Variants in LRRC9 observed in about 807,000 individuals in gnomAD.
LRRC9 encodes leucine-rich repeat-containing protein 9.
LRRC9 carries 122 observed loss-of-function variants against 63.2 expected under a neutral mutation model. That is an observed-to-expected ratio of 1.93 (90% CI 1.67 to 2.24). The LOEUF is 2.24. LRRC9 is among the 30% of genes most tolerant of loss of function. LRRC9 has a pLI of 0.00. For synonymous variants in LRRC9, 366 were observed against 213.1 expected (o/e 1.72, Z -6.25); for missense variants, 1,071 against 627.7 (o/e 1.71, Z -7.55).
chr14:60,038,373 CAAT>C (rs1460512401), intron 29 of LRRC9, among the ~76,000 whole-genome samples: 3 of 152,154 alleles, frequency 2.0e-5, no homozygotes, highest in Non-Finnish European at 2.9e-5. Flanking sequence ...GCCATTTTCA[CAAT>C]ATTGATTCTT....
At position 59,999,188 on chromosome 14, in the gene LRRC9, G is replaced by A. The variant is rs1889115918; in HGVS notation, c.2491G>A (p.Ala831Thr). ...CTTCATTTCTGAAGAAGAAGCAACA[G>A]CAGCTATGAAATTTATTGCAGGAAC... Residue 831 changes from alanine (A) to threonine (T), a missense_variant, in exon 19 of 32, where the codon GCA becomes ACA. Ala to Thr is a moderately conservative substitution (Grantham distance 58). Transcript: ENST00000445360. The A allele has an allele frequency of 4.3e-6, 3 of 701,388 alleles. No homozygotes were observed. In the East Asian group the frequency reaches 8.1e-5, roughly 19 times the overall value. The allele number at this position is 701,388 out of a possible 1,614,324, so 43.4% of individuals were successfully genotyped here.
At chr14:59,959,339 A>C (rs1230395274) in intron 8 of LRRC9, among the ~76,000 whole-genome samples, 1 of 152,188 alleles carries the variant, frequency 6.6e-6, no homozygotes, top group Non-Finnish European at 1.5e-5. Context: ...GTGCACCCCT[A>C]TATATATGCT....
rs1566865322 is a variant in LRRC9, at chr14:60,001,961, A to G, written c.2530-5A>G. On this transcript the variant is annotated splice_polypyrimidine_tract_variant and splice_region_variant and intron_variant, in intron 19 of 31. Coordinates refer to ENST00000445360, the Ensembl canonical transcript of LRRC9. ...TTTTTCACTGTATTTTTTAAATTTTATTAGTTATCTCTCTTACGGCATTCT... is the reference window on the plus strand; with the variant it reads ...TTTTTCACTGTATTTTTTAAATTTTGTTAGTTATCTCTCTTACGGCATTCT... 4.7e-6 allele frequency: 3 copies of G among 640,044 alleles called. No homozygotes were observed. The highest frequency in any genetic ancestry group is 1.8e-5 in the South Asian group (1 of 56,024). 39.6% of individuals were successfully genotyped at this position (640,044 alleles called of 1,614,324 possible).
chr14:60,030,706 C>A (rs1412210623), intron 28 of LRRC9, among the ~76,000 whole-genome samples: 1 of 152,052 alleles, frequency 6.6e-6, no homozygotes, highest in Non-Finnish European at 1.5e-5. Flanking sequence ...TAATTAGTAA[C>A]ATTTGCCAAT....
At chr14:59,978,375 A>G (rs1207894980) in intron 15 of LRRC9, among the ~76,000 whole-genome samples, 1 of 152,224 alleles carries the variant, frequency 6.6e-6, no homozygotes, top group Non-Finnish European at 1.5e-5. Flanking sequence ...AAGATTCAAA[A>G]TACATTGAAA....
chr14:60,033,404 A>G (rs1446150831), intron 29 of LRRC9, among the ~76,000 whole-genome samples: 1 of 152,166 alleles, frequency 6.6e-6, no homozygotes, highest in Non-Finnish European at 1.5e-5. Context: ...TAAAGTTGTC[A>G]CTACTTAATA....
At chr14:60,028,328 T>C (rs1256821645) in intron 28 of LRRC9, among the ~76,000 whole-genome samples, 2 of 152,114 alleles carry the variant, frequency 1.3e-5, no homozygotes, top group South Asian at 2.1e-4. Flanking sequence ...TTAACAAAGA[T>C]TAGTTCTACG....
intron 16 of LRRC9, 72 bp downstream of exon 16, chr14:59,982,132 C>A: frequency 1.6e-6 from 1 of 642,704 alleles, no homozygotes; most frequent in East Asian, 2.7e-5. Context: ...CATATGAAGT[C>A]AAAAGATACT....
At chr14:59,994,021 C>T (rs1347964307) in intron 17 of LRRC9, among the ~76,000 whole-genome samples, 3 of 152,202 alleles carry the variant, frequency 2.0e-5, no homozygotes, top group African/African-American at 7.2e-5. Flanking sequence ...TTCTTCTCAG[C>T]ACCACACTGC....
chr14:60,041,876 T>C (rs1319966725), intron 29 of LRRC9, among the ~76,000 whole-genome samples: 1 of 152,190 alleles, frequency 6.6e-6, no homozygotes, highest in African/African-American at 2.4e-5. Flanking sequence ...CCCATCTTTG[T>C]GGTTTTATCT....
intron 23 of LRRC9, among the ~76,000 whole-genome samples, chr14:60,009,305 C>A (rs1890066153): frequency 6.6e-6 from 1 of 152,182 alleles, no homozygotes; most frequent in Admixed American, 6.5e-5. Flanking sequence ...CTCACAGTTC[C>A]ACATGGCTGG....
intron 6 of LRRC9, among the ~76,000 whole-genome samples, chr14:59,937,195 T>TAAAA (rs755193026): frequency 1.1e-5 from 1 of 89,478 alleles, no homozygotes; most frequent in Non-Finnish European, 2.3e-5. Flanking sequence ...ATGTTTTCTG[T>TAAAA]AAAAAAAAAA....
At chr14:60,044,538 C>T in intron 29 of LRRC9, among the ~76,000 whole-genome samples, 1 of 152,150 alleles carries the variant, frequency 6.6e-6, no homozygotes, top group South Asian at 2.1e-4. Context: ...TTCCCTTCTT[C>T]ATTGACCCAC....
chr14:60,003,903 A>T lies in LRRC9; in HGVS notation c.2842+105A>T. Reference sequence around the variant, plus strand: ...TTTCTGAAGAGGAAGATCTCTAGGAAAGTTCCAAGTTTTTGTGGCAGGGTA... The same window carrying T: ...TTTCTGAAGAGGAAGATCTCTAGGATAGTTCCAAGTTTTTGTGGCAGGGTA... On this transcript the variant is annotated intron_variant, in intron 21 of 31. Transcript: ENST00000445360. The surrounding 1 kb of genome is among the most constrained non-coding windows in gnomAD (Gnocchi z 4.2). The T allele has an allele frequency of 1.9e-6, 1 of 516,056 alleles. No homozygotes were observed. The highest frequency in any genetic ancestry group is 3.4e-6 in the Non-Finnish European group (1 of 295,682). 32.0% of individuals were successfully genotyped at this position (516,056 alleles called of 1,614,324 possible). A position where few individuals can be genotyped will look rare whatever the true frequency, so the allele number is the denominator to read the frequency against.
intron 12 of LRRC9, chr14:59,969,529 C>G (rs996382573): frequency 2.0e-5 from 3 of 152,148 alleles, no homozygotes; most frequent in African/African-American, 7.2e-5. Context: ...GAGATGGGCT[C>G]TGATTTAAAA....
intron 10 of LRRC9, among the ~76,000 whole-genome samples, chr14:59,963,675 C>T (rs1425124543): frequency 6.6e-6 from 1 of 152,118 alleles, no homozygotes; most frequent in Non-Finnish European, 1.5e-5. Context: ...TTCCATATCA[C>T]TTTATAGATA....
At chr14:60,032,798 C>A (rs1249775482) in intron 29 of LRRC9, among the ~76,000 whole-genome samples, 4 of 152,092 alleles carry the variant, frequency 2.6e-5, no homozygotes, top group African/African-American at 9.7e-5. Context: ...TCTTGGAGAG[C>A]AAAACACATT....
At chr14:59,952,785 T>C (rs1004489248) in intron 8 of LRRC9, among the ~76,000 whole-genome samples, 2 of 152,114 alleles carry the variant, frequency 1.3e-5, no homozygotes, top group Non-Finnish European at 2.9e-5. Context: ...ATTAGGTATT[T>C]GTCCTAATGC....
At position 59,958,171 on chromosome 14, in the gene LRRC9, C is replaced by T. The variant is rs1883978468; in HGVS notation, c.883-1647C>T. Among the ~76,000 whole-genome samples, 2 of 152,216 alleles carry T rather than the reference C, an allele frequency of 1.3e-5. No homozygotes were observed. Among genetic ancestry groups the T allele is most frequent in the Non-Finnish European group, 2.9e-5 (2 of 68,034 alleles). On this transcript the variant is annotated intron_variant, in intron 8 of 31. Coordinates refer to ENST00000445360, the Ensembl canonical transcript of LRRC9. This position sits in a 1 kb window ranked among gnomAD's most constrained non-coding sequence, Gnocchi z 4.0. The stretch of plus-strand genomic sequence containing the variant: ...CTGGTGCACTGTGCTGGGCGAATCC[C>T]TCTTGTCAGGATTAGCTGCTCTCTT...
Sources: gnomAD v4.1 joint callset for allele counts (sites outside exome capture counted in the v4.1 genomes callset) on GRCh38, gnomAD v4.1.1 for gene constraint, Gnocchi (gnomAD v3.1) non-coding constraint, MANE v1.5 for transcripts, NCBI Gene and HGNC (gene_info 2026-07-23, HGNC 2026-07-21) for gene names.